The following METTL15 variants were observed in gnomAD, a reference collection of about 807,000 sequenced individuals.
The protein encoded by METTL15 is 12S rRNA N(4)-cytidine methyltransferase METTL15.
In METTL15, 34 loss-of-function variants were observed where a neutral mutation model predicts 38.3. That is an observed-to-expected ratio of 0.89 (90% CI 0.68 to 1.18). METTL15 has a LOEUF of 1.18. Ranked by LOEUF, METTL15 falls within the 50% of genes most tolerant of loss-of-function variation. The probability of loss-of-function intolerance (pLI) is 0.00; values close to 1 mark genes in which losing one functional copy is unlikely to be tolerated. For synonymous variants in METTL15, 162 were observed against 170.9 expected, an observed-to-expected ratio of 0.95 and a Z score of 0.41; for missense variants, 438 against 498.4, an observed-to-expected ratio of 0.88 and a Z score of 1.15.
At chr11:28,351,507 CTA>C (rs1309210477) in intron 3 of METTL15, among the ~76,000 whole-genome samples, 1 of 152,208 alleles carries the variant, frequency 6.6e-6, no homozygotes, top group African/African-American at 2.4e-5. Flanking sequence ...CCCCACATGT[CTA>C]TACCAATCTC....
At chr11:28,264,542 ATTTAAG>A (rs1428938681) in intron 4 of METTL15, among the ~76,000 whole-genome samples, 2 of 152,254 alleles carry the variant, frequency 1.3e-5, no homozygotes, top group Non-Finnish European at 2.9e-5. Flanking sequence ...TTATCAATCA[ATTTAAG>A]GATCAGTTGT....
intron 3 of METTL15, among the ~76,000 whole-genome samples, chr11:28,115,346 C>T (rs1851894513): frequency 6.6e-6 from 1 of 151,846 alleles, no homozygotes; most frequent in Non-Finnish European, 1.5e-5. Flanking sequence ...GCAACCTCTG[C>T]TTCCCGGGTT....
At chr11:28,307,958 C>T (rs1021940974) in intron 6 of METTL15, among the ~76,000 whole-genome samples, 4 of 151,882 alleles carry the variant, frequency 2.6e-5, no homozygotes, top group African/African-American at 7.2e-5. Context: ...AAGATATCTT[C>T]GATGAAGATA....
intron 5 of METTL15, among the ~76,000 whole-genome samples, chr11:28,384,910 T>G (rs1378445186): frequency 3.3e-5 from 5 of 152,218 alleles, no homozygotes; most frequent in Non-Finnish European, 7.3e-5. Context: ...TGAGCTCTTT[T>G]TCCCATGCTT....
At chr11:28,479,581 C>T (rs1851378638) in intron 6 of METTL15, among the ~76,000 whole-genome samples, 1 of 152,156 alleles carries the variant, frequency 6.6e-6, no homozygotes, top group Non-Finnish European at 1.5e-5. Flanking sequence ...TAGATTCCAT[C>T]CAGCTTGCCT....
intron 6 of METTL15, among the ~76,000 whole-genome samples, chr11:28,477,052 A>G (rs900440335): frequency 6.6e-6 from 1 of 152,212 alleles, no homozygotes; most frequent in Non-Finnish European, 1.5e-5. Context: ...AGGGTAGCAT[A>G]GTGCTTAGCC....
At chr11:28,203,286 A>G (rs1852183627) in intron 3 of METTL15, among the ~76,000 whole-genome samples, 1 of 152,092 alleles carries the variant, frequency 6.6e-6, no homozygotes, top group Non-Finnish European at 1.5e-5. Context: ...CTTCATCAGT[A>G]ACTGGTACAG....
intron 6 of METTL15, among the ~76,000 whole-genome samples, chr11:28,460,147 A>G (rs1319830839): frequency 6.6e-6 from 1 of 152,048 alleles, no homozygotes. Flanking sequence ...ATTATTTTGT[A>G]ACATTTACCA....
At chr11:28,361,652 T>C (rs1850139765) in intron 4 of METTL15, among the ~76,000 whole-genome samples, 1 of 152,160 alleles carries the variant, frequency 6.6e-6, no homozygotes, top group African/African-American at 2.4e-5. Context: ...CATAATTCTT[T>C]TCTGGGTAGG....
chr11:28,358,311 A>G (rs1166803162), intron 4 of METTL15, among the ~76,000 whole-genome samples: 3 of 152,186 alleles, frequency 2.0e-5, no homozygotes, highest in African/African-American at 2.4e-5. Flanking sequence ...CAGCCATGCT[A>G]TGCTGGACTT....
intron 6 of METTL15, among the ~76,000 whole-genome samples, chr11:28,479,422 T>C (rs1851376778): frequency 6.6e-6 from 1 of 152,184 alleles, no homozygotes; most frequent in Non-Finnish European, 1.5e-5. Flanking sequence ...GATCTTTGTA[T>C]GGTTCCCATT....
At chr11:28,342,431 T>G (rs530791098) in intron 3 of METTL15, among the ~76,000 whole-genome samples, 2 of 146,772 alleles carry the variant, frequency 1.4e-5, no homozygotes, top group African/African-American at 5.0e-5. Context: ...CTGGGCTAAT[T>G]TTTTTTTTTT....
intron 5 of METTL15, among the ~76,000 whole-genome samples, chr11:28,385,524 A>C (rs968033535): frequency 1.3e-5 from 2 of 152,044 alleles, no homozygotes; most frequent in African/African-American, 4.8e-5. Flanking sequence ...TACTAGTACC[A>C]TGCTGTTTTG....
chr11:28,151,519 A>G (rs571047413), intron 3 of METTL15, among the ~76,000 whole-genome samples: 26 of 152,050 alleles, frequency 1.7e-4, no homozygotes, highest in African/African-American at 6.0e-4. Context: ...TTCCTACTTG[A>G]TAACCATATG....
At chr11:28,525,232 C>T (rs551393800) in intron 6 of METTL15, among the ~76,000 whole-genome samples, 27 of 152,284 alleles carry the variant, frequency 1.8e-4, no homozygotes, top group Admixed American at 9.1e-4. Context: ...ACTGCTGCCT[C>T]GCGCAGCCTG....
intron 4 of METTL15, chr11:28,287,424 C>T: frequency 2.4e-6 from 1 of 417,552 alleles, no homozygotes; most frequent in South Asian, 1.8e-5. Flanking sequence ...ACTTGTTTAG[C>T]CTGCCTGTGA....
chr11:28,322,639 G>A (rs1408639454), intron 6 of METTL15, among the ~76,000 whole-genome samples: 1 of 151,966 alleles, frequency 6.6e-6, no homozygotes. Context: ...ACTACCCTTT[G>A]ACCTAACAAC....
At chr11:28,394,731 G>A (rs1424235599) in intron 5 of METTL15, among the ~76,000 whole-genome samples, 1 of 152,030 alleles carries the variant, frequency 6.6e-6, no homozygotes, top group Non-Finnish European at 1.5e-5. Context: ...GCTGTCTACT[G>A]GAAGTGGCTT....
intron 4 of METTL15, among the ~76,000 whole-genome samples, chr11:28,218,055 C>G (rs898937177): frequency 3.3e-5 from 5 of 151,932 alleles, no homozygotes; most frequent in Admixed American, 6.6e-5. Context: ...TTTTTTGGTT[C>G]CATATGAACT....
Sources: allele counts gnomAD v4.1 joint callset (sites outside exome capture counted in the v4.1 genomes callset), GRCh38; gene constraint gnomAD v4.1.1; transcripts MANE v1.5; gene names NCBI Gene and HGNC (gene_info 2026-07-23, HGNC 2026-07-21).